The following SLC25A48 variants were observed in gnomAD, a reference collection of about 807,000 sequenced individuals.
SLC25A48 encodes solute carrier family 25 member 48.
A neutral mutation model predicts 32.2 loss-of-function variants in SLC25A48; 29 were observed. That is an observed-to-expected ratio of 0.90 (90% confidence interval 0.67 to 1.23). SLC25A48 has a LOEUF of 1.23. SLC25A48 is among the 50% of genes most tolerant of loss of function. SLC25A48 has a pLI of 0.00. For synonymous variants in SLC25A48, 164 were observed against 172.3 expected (o/e 0.95, Z 0.38); for missense variants, 399 against 422.7 (o/e 0.94, Z 0.49).
intron 4 of SLC25A48, among the ~76,000 whole-genome samples, chr5:135,857,485 C>T (rs1215056252): frequency 2.0e-5 from 3 of 152,242 alleles, no homozygotes; most frequent in Admixed American, 1.3e-4. Context: ...TTAATATCCA[C>T]CATTACAGCA....
intron 3 of SLC25A48, among the ~76,000 whole-genome samples, chr5:135,774,937 G>A (rs1379671224): frequency 6.6e-6 from 1 of 151,592 alleles, no homozygotes; most frequent in Non-Finnish European, 1.5e-5. Flanking sequence ...ATGGGAAGAG[G>A]ATGATACTAC....
chr5:135,708,621 C>G (rs967013476), intron 3 of SLC25A48, among the ~76,000 whole-genome samples: 5 of 152,208 alleles, frequency 3.3e-5, no homozygotes, highest in African/African-American at 1.2e-4. Flanking sequence ...CCCAGGGCAA[C>G]CCTGGACCAC....
At chr5:135,716,822 C>G (rs568392878) in intron 3 of SLC25A48, among the ~76,000 whole-genome samples, 75 of 152,342 alleles carry the variant, frequency 4.9e-4, no homozygotes, top group African/African-American at 1.8e-3. Context: ...TCATCCCCAG[C>G]TCCGGCCAGC....
chr5:135,797,781 C>A (rs1480609937), intron 3 of SLC25A48, among the ~76,000 whole-genome samples: 2 of 151,674 alleles, frequency 1.3e-5, no homozygotes, highest in Non-Finnish European at 2.9e-5. Context: ...CTCTCAATAT[C>A]TCAGGGGATG....
intron 3 of SLC25A48, among the ~76,000 whole-genome samples, chr5:135,709,010 G>T (rs1256888069): frequency 6.6e-6 from 1 of 152,152 alleles, no homozygotes; most frequent in African/African-American, 2.4e-5. Context: ...TCCTGCCAAG[G>T]TGATTTTATT....
At chr5:135,872,200 A>G (rs1325098695) in intron 5 of SLC25A48, 2 of 308,364 alleles carry the variant, frequency 6.5e-6, no homozygotes, top group Non-Finnish European at 5.8e-6. Context: ...TTTAAGTTCA[A>G]ATCCACACTT....
At position 135,841,706 on chromosome 5, in the gene SLC25A48, T is replaced by TG. The variant is rs751175583; in HGVS notation, c.47-707dup. Among the ~76,000 whole-genome samples the TG allele has an allele frequency of 3.5e-3, 516 of 145,522 alleles. 7 individuals are homozygous for TG. Among genetic ancestry groups the TG allele is most frequent in the South Asian group, 0.022 (93 of 4,232 alleles). ...GCTAGAGGAGTCACTAGGAGATGTGTGGGTGGGGGGTATAAAACAGGTGGA... is the reference window on the plus strand; with the variant it reads ...GCTAGAGGAGTCACTAGGAGATGTGTGGGGTGGGGGGTATAAAACAGGTGGA... On this transcript the variant is annotated intron_variant, in intron 1 of 7. Transcript: ENST00000681962.
At chr5:135,723,249 C>T (rs1377524459) in intron 3 of SLC25A48, among the ~76,000 whole-genome samples, 1 of 152,176 alleles carries the variant, frequency 6.6e-6, no homozygotes, top group Admixed American at 6.5e-5. Context: ...AATGGGTTTT[C>T]ATTGGCGAAT....
intron 4 of SLC25A48, among the ~76,000 whole-genome samples, chr5:135,866,271 C>T (rs1300035359): frequency 6.6e-6 from 1 of 152,244 alleles, no homozygotes; most frequent in Non-Finnish European, 1.5e-5. Flanking sequence ...GGCCTTTGTG[C>T]TCCTGAGGGC....
At chr5:135,713,496 T>C (rs1754718743) in intron 3 of SLC25A48, among the ~76,000 whole-genome samples, 1 of 152,222 alleles carries the variant, frequency 6.6e-6, no homozygotes, top group East Asian at 1.9e-4. Context: ...TGAATAAACG[T>C]AGAACCTCCA....
At chr5:135,885,716 A>T (rs1050035496) in intron 7 of SLC25A48, among the ~76,000 whole-genome samples, 1 of 152,238 alleles carries the variant, frequency 6.6e-6, no homozygotes, top group Non-Finnish European at 1.5e-5. Context: ...GCATAAATTA[A>T]TGGGCAAAAA....
At chr5:135,716,833 A>G (rs370383611) in intron 3 of SLC25A48, among the ~76,000 whole-genome samples, 1 of 152,346 alleles carries the variant, frequency 6.6e-6, no homozygotes, top group East Asian at 1.9e-4. Flanking sequence ...TCCGGCCAGC[A>G]TAGCCTTCCC....
At chr5:135,792,485 T>G (rs1029793748) in intron 3 of SLC25A48, among the ~76,000 whole-genome samples, 2 of 151,768 alleles carry the variant, frequency 1.3e-5, no homozygotes, top group African/African-American at 4.8e-5. Flanking sequence ...CTTAGGGGGT[T>G]GTTAATCTTA....
At chr5:135,835,256 G>A (rs1050663450) in intron 1 of SLC25A48, 5 of 495,202 alleles carry the variant, frequency 1.0e-5, no homozygotes, top group Non-Finnish European at 2.0e-5. Flanking sequence ...CGTGGCTCGC[G>A]GGAACTTATG....
intron 1 of SLC25A48, among the ~76,000 whole-genome samples, chr5:135,589,460 A>T (rs147238087): frequency 1.7e-3 from 254 of 152,284 alleles, no homozygotes; most frequent in African/African-American, 5.8e-3. Context: ...GCTCCAGGTT[A>T]ATTTTCCAAG....
intron 4 of SLC25A48, chr5:135,826,814 A>G (rs886965971): frequency 6.6e-6 from 1 of 152,242 alleles, no homozygotes; most frequent in African/African-American, 2.4e-5. Context: ...CCTCGGGCCA[A>G]GTACTTAAGC....
In SLC25A48 at chr5:135,683,614, C is replaced by G. The variant is rs564786037; in HGVS notation, c.-521+48658C>G. ...TGACTAGCTGGGTGGTCAGCAGCACCAAGGCACTCAAGGCCAGGCTTTTGG... is the reference window on the plus strand; with the variant it reads ...TGACTAGCTGGGTGGTCAGCAGCACGAAGGCACTCAAGGCCAGGCTTTTGG... On this transcript the variant is annotated intron_variant, in intron 3 of 10. Transcript: ENST00000646290. Among the ~76,000 whole-genome samples the G allele has an allele frequency of 1.5e-3, 222 of 152,294 alleles. 3 individuals are homozygous for G. Among genetic ancestry groups the G allele is most frequent in the Admixed American group, 3.9e-3 (59 of 15,308 alleles).
At chr5:135,619,466 T>C (rs1752269627) in intron 1 of SLC25A48, among the ~76,000 whole-genome samples, 1 of 152,236 alleles carries the variant, frequency 6.6e-6, no homozygotes, top group Admixed American at 6.5e-5. Flanking sequence ...TTGAATTCTT[T>C]AGCTGGGATT....
chr5:135,881,138 T>A lies in SLC25A48; in HGVS notation c.*7+1041T>A, dbSNP rs147574835. Reference sequence around the variant, plus strand: ...GCCTCCTCTTCCTCCCTGTGTTTTTTCTTCCTCATTGTCTGGCCCCATACC... The same window carrying A: ...GCCTCCTCTTCCTCCCTGTGTTTTTACTTCCTCATTGTCTGGCCCCATACC... On this transcript the variant is annotated intron_variant, in intron 7 of 7. Transcript: ENST00000681962. Among the ~76,000 whole-genome samples the A allele has an allele frequency of 8.5e-5, 13 of 152,368 alleles. No homozygotes were observed. In the East Asian group the frequency reaches 2.5e-3, roughly 29 times the overall value.
Sources: allele counts gnomAD v4.1 joint callset (sites outside exome capture counted in the v4.1 genomes callset), GRCh38; gene constraint gnomAD v4.1.1; transcripts MANE v1.5; gene names NCBI Gene and HGNC (gene_info 2026-07-23, HGNC 2026-07-21).